Variants in MED27 observed in about 807,000 individuals in gnomAD.
MED27 encodes mediator complex subunit 27.
Under a neutral mutation model 38.2 loss-of-function variants are expected in MED27, and 30 were observed. The ratio of observed to expected loss-of-function variants is 0.79; its 90% CI spans 0.59 to 1.07. The LOEUF (loss-of-function observed/expected upper bound fraction) is 1.07, where lower values mean the gene tolerates loss of function less well. Among genes scored for constraint, MED27 ranks in the 50% least tolerant of loss-of-function variants. The pLI is 0.00. For missense variants in MED27, 289 were observed against 397.5 expected, an observed-to-expected ratio of 0.73 and a Z score of 2.32; for synonymous variants, 122 against 153.5, an observed-to-expected ratio of 0.79 and a Z score of 1.52.
chr9:132,067,231 C>T (rs1448393331), intron 2 of MED27, among the ~76,000 whole-genome samples: 1 of 152,232 alleles, frequency 6.6e-6, no homozygotes, highest in Non-Finnish European at 1.5e-5. Context: ...GTGAGATCAG[C>T]GCCATGCCCA....
chr9:132,020,088 TC>T (rs1832686409), intron 2 of MED27, among the ~76,000 whole-genome samples: 1 of 152,136 alleles, frequency 6.6e-6, no homozygotes, highest in African/African-American at 2.4e-5. Flanking sequence ...AAATCTAAAT[TC>T]CAGATGCACA....
At chr9:131,909,467 C>T (rs1830148679) in intron 4 of MED27, among the ~76,000 whole-genome samples, 1 of 152,134 alleles carries the variant, frequency 6.6e-6, no homozygotes, top group South Asian at 2.1e-4. Context: ...AGTGGTGGGC[C>T]CCTGGACTTA....
chr9:131,871,989 G>A (rs962130427), intron 6 of MED27, among the ~76,000 whole-genome samples: 10 of 152,194 alleles, frequency 6.6e-5, no homozygotes, highest in African/African-American at 1.9e-4. Context: ...AGGGGCTCCC[G>A]AGTGCCCAAA....
At chr9:132,000,485 T>C (rs1309330412) in intron 3 of MED27, among the ~76,000 whole-genome samples, 3 of 152,148 alleles carry the variant, frequency 2.0e-5, no homozygotes, top group Non-Finnish European at 4.4e-5. Flanking sequence ...CCATATGACC[T>C]AGCTATTGTA....
At chr9:131,936,674 G>C (rs1390147910) in intron 4 of MED27, among the ~76,000 whole-genome samples, 1 of 152,222 alleles carries the variant, frequency 6.6e-6, no homozygotes, top group East Asian at 1.9e-4. Context: ...TTCCTGACAT[G>C]CCTGGAGCTA....
At chr9:132,049,431 G>A (rs1279603732) in intron 2 of MED27, among the ~76,000 whole-genome samples, 3 of 152,170 alleles carry the variant, frequency 2.0e-5, no homozygotes, top group Non-Finnish European at 4.4e-5. Flanking sequence ...TTCCTGAGAT[G>A]AGCTTCTGCA....
intron 2 of MED27, among the ~76,000 whole-genome samples, 179 bp downstream of exon 2, chr9:132,077,261 CAA>C (rs773264261): frequency 1.3e-5 from 2 of 152,148 alleles, no homozygotes; most frequent in Admixed American, 1.3e-4. Context: ...CATGAATCCC[CAA>C]AGACTTCAAA....
At chr9:132,022,303 A>G (rs907534570) in intron 2 of MED27, among the ~76,000 whole-genome samples, 6 of 152,336 alleles carry the variant, frequency 3.9e-5, no homozygotes, top group Middle Eastern at 3.4e-3. Flanking sequence ...TCTGGACTCA[A>G]GAAAAACAGA....
At chr9:131,902,607 C>A (rs4615623) in intron 4 of MED27, among the ~76,000 whole-genome samples, 1 of 151,968 alleles carries the variant, frequency 6.6e-6, no homozygotes, top group African/African-American at 2.4e-5. Flanking sequence ...TTCTTCCATA[C>A]TGAAGGTCAC....
chr9:131,919,852 A>G (rs564913160), intron 4 of MED27, among the ~76,000 whole-genome samples: 49 of 145,470 alleles, frequency 3.4e-4, no homozygotes, highest in Non-Finnish European at 6.0e-4. Flanking sequence ...TGTGTCACCC[A>G]GGCTGGAGTG....
At chr9:131,892,354 G>C (rs1283645788) in intron 5 of MED27, among the ~76,000 whole-genome samples, 1 of 152,186 alleles carries the variant, frequency 6.6e-6, no homozygotes. Flanking sequence ...AAAGTGCCAA[G>C]TGCTTTATGT....
At chr9:131,928,002 T>A (rs552262240) in intron 4 of MED27, among the ~76,000 whole-genome samples, 39 of 152,310 alleles carry the variant, frequency 2.6e-4, no homozygotes, top group African/African-American at 8.9e-4. Context: ...GACTTCATGC[T>A]GTTTTCCCAT....
intron 2 of MED27, among the ~76,000 whole-genome samples, chr9:132,019,511 C>G (rs1024377865): frequency 6.6e-6 from 1 of 152,122 alleles, no homozygotes; most frequent in Non-Finnish European, 1.5e-5. Flanking sequence ...TGAGCTTGGA[C>G]CAAGCTCAAA....
chr9:132,042,131 G>T (rs550350708), intron 2 of MED27, among the ~76,000 whole-genome samples: 1 of 152,146 alleles, frequency 6.6e-6, no homozygotes, highest in Non-Finnish European at 1.5e-5. Context: ...TCTTGTCCCA[G>T]CTGGGCTGCT....
chr9:132,000,031 G>A (rs1832185582), intron 3 of MED27, among the ~76,000 whole-genome samples: 1 of 151,538 alleles, frequency 6.6e-6, no homozygotes, highest in Non-Finnish European at 1.5e-5. Flanking sequence ...CATTTTCAAA[G>A]CCATGAAAGG....
intron 3 of MED27, among the ~76,000 whole-genome samples, chr9:131,985,941 T>C (rs944843624): frequency 4.0e-5 from 6 of 151,262 alleles, no homozygotes; most frequent in African/African-American, 1.5e-4. Flanking sequence ...TCTTTGGTTT[T>C]AGCAAAAAAG....
intron 2 of MED27, among the ~76,000 whole-genome samples, chr9:132,063,786 G>A (rs760122369): frequency 1.3e-5 from 2 of 152,188 alleles, no homozygotes; most frequent in South Asian, 2.1e-4. Context: ...ATGGGAGCCT[G>A]GGGTAATGAG....
rs928513423 is a variant in MED27 at position 131,862,702 on chromosome 9, G to C, written c.801+361C>G. On this transcript the variant is annotated intron_variant, in intron 7 of 7. Transcript: ENST00000292035. The surrounding 1 kb of genome is among the most constrained non-coding windows in gnomAD (Gnocchi z 4.6). ...AAAATCGAAGGAGGAAACGTCTTGG[G>C]AAACTGCACGATCTGTTAATTCACT... Among the ~76,000 whole-genome samples, 9 of 152,310 alleles carry C rather than the reference G, an allele frequency of 5.9e-5. No individual in the cohort carries two copies. The East Asian group carries it at 7.7e-4, about 13-fold the overall frequency.
rs1833463787 is a variant in MED27, at chr9:132,051,459, C to T, written c.348+25983G>A. ...CTCTACGTTCTTTCTCACCCCATCA[C>T]TAGAGCTGATGCTTTTCAAAGCCCT... On this transcript the variant is annotated intron_variant, in intron 2 of 7. Transcript: ENST00000292035. This position sits in a 1 kb window ranked among gnomAD's most constrained non-coding sequence, Gnocchi z 4.2. 6.6e-6 allele frequency among the ~76,000 whole-genome samples: 1 copy of T among 152,196 alleles called. No homozygotes were observed.
Sources: gnomAD v4.1 joint callset for allele counts (sites outside exome capture counted in the v4.1 genomes callset) on GRCh38, gnomAD v4.1.1 for gene constraint, Gnocchi (gnomAD v3.1) non-coding constraint, MANE v1.5 for transcripts, NCBI Gene and HGNC (gene_info 2026-07-23, HGNC 2026-07-21) for gene names.